The following MCUB variants were observed in gnomAD, a reference collection of about 807,000 sequenced individuals.
The protein encoded by MCUB is calcium uniporter regulatory subunit MCUb, mitochondrial.
Under a neutral mutation model 41.4 loss-of-function variants are expected in MCUB, and 46 were observed. That is an observed-to-expected ratio of 1.11 (90% CI 0.88 to 1.42). The LOEUF (loss-of-function observed/expected upper bound fraction) is 1.42, where lower values mean the gene tolerates loss of function less well. MCUB is among the 40% of genes most tolerant of loss of function. MCUB has a pLI of 0.00. For synonymous variants in MCUB, 148 were observed against 148.2 expected (o/e 1.00, Z 0.01); for missense variants, 403 against 404.9 (o/e 1.00, Z 0.04).
intron 1 of MCUB, among the ~76,000 whole-genome samples, chr4:109,591,094 C>G (rs767553976): frequency 6.6e-6 from 1 of 152,180 alleles, no homozygotes; most frequent in Non-Finnish European, 1.5e-5. Flanking sequence ...TTCCCTGAAG[C>G]CTTCTGACAT....
intron 1 of MCUB, chr4:109,648,543 T>C: frequency 2.5e-6 from 1 of 407,708 alleles, no homozygotes; most frequent in South Asian, 1.8e-5. Context: ...AAAAAATTTA[T>C]TTTCACAGTG....
chr4:109,638,082 C>T (rs539199420), intron 1 of MCUB, among the ~76,000 whole-genome samples: 4 of 152,178 alleles, frequency 2.6e-5, no homozygotes, highest in African/African-American at 9.6e-5. Context: ...AGTCCAGGGC[C>T]TGGTGGCTCA....
chr4:109,629,715 A>G lies in MCUB; in HGVS notation c.100-29296A>G, dbSNP rs79440209. On this transcript the variant is annotated intron_variant, in intron 1 of 7. Coordinates refer to ENST00000394650, the MANE Select transcript of MCUB (RefSeq NM_017918.5). ...TACAGATGGAGAGATGCATAGGGCA[A>G]AACATGTGGGAAGGGTGTGGCACTT... 3.8e-3 allele frequency among the ~76,000 whole-genome samples: 586 copies of G among 152,332 alleles called. 7 individuals are homozygous for G. The highest frequency in any genetic ancestry group is 0.014 in the African/African-American group (571 of 41,572).
chr4:109,677,054 C>CA (rs1400097656), intron 4 of MCUB, among the ~76,000 whole-genome samples: 2 of 152,232 alleles, frequency 1.3e-5, no homozygotes, highest in Admixed American at 6.5e-5. Flanking sequence ...GCCATGGGGG[C>CA]AGGACTGCCC....
At chr4:109,686,882 TAA>T (rs1259452855) in intron 7 of MCUB, among the ~76,000 whole-genome samples, 1 of 150,900 alleles carries the variant, frequency 6.6e-6, no homozygotes, top group Non-Finnish European at 1.5e-5. Flanking sequence ...ATCTCTAAAA[TAA>T]AAAAATTTAA....
chr4:109,611,771 C>G (rs1034034681), intron 1 of MCUB, among the ~76,000 whole-genome samples: 1 of 152,134 alleles, frequency 6.6e-6, no homozygotes, highest in Non-Finnish European at 1.5e-5. Context: ...AAGTCCATTT[C>G]TTTTTATTGG....
intron 1 of MCUB, among the ~76,000 whole-genome samples, chr4:109,565,491 C>T (rs1254375056): frequency 1.3e-5 from 2 of 152,128 alleles, no homozygotes; most frequent in South Asian, 2.1e-4. Flanking sequence ...TCAGTGAAAA[C>T]ATTTGGGTGA....
intron 1 of MCUB, among the ~76,000 whole-genome samples, chr4:109,649,801 TG>T (rs1728919748): frequency 6.6e-6 from 1 of 152,110 alleles, no homozygotes; most frequent in East Asian, 1.9e-4. Flanking sequence ...CTTGAACCCC[TG>T]GGCTCAAATA....
rs780319661 is a variant in MCUB at position 109,639,758 on chromosome 4, G to A, written c.100-19253G>A. 4.7e-4 allele frequency among the ~76,000 whole-genome samples: 72 copies of A among 152,280 alleles called. 1 individual carries two copies. The highest frequency in any genetic ancestry group is 4.1e-3 in the Admixed American group (62 of 15,294). On this transcript the variant is annotated intron_variant, in intron 1 of 7. Transcript: ENST00000394650. ...GCTGTCATCTAGGCTTTGTGGTTGC[G>A]TGTATAGAACACAGGTAGAGTAGCT...
chr4:109,683,605 T>C (rs993616104), intron 5 of MCUB, among the ~76,000 whole-genome samples: 2 of 152,234 alleles, frequency 1.3e-5, no homozygotes, highest in African/African-American at 4.8e-5. Context: ...TTTTATTCTC[T>C]TTCTCAGAAA....
intron 1 of MCUB, among the ~76,000 whole-genome samples, chr4:109,646,681 A>G (rs1728845441): frequency 6.6e-6 from 1 of 151,552 alleles, no homozygotes; most frequent in Non-Finnish European, 1.5e-5. Context: ...GTCTCATCTC[A>G]CTCCCCGCTC....
intron 1 of MCUB, among the ~76,000 whole-genome samples, chr4:109,621,594 T>C (rs1728251334): frequency 6.6e-6 from 1 of 152,190 alleles, no homozygotes. Context: ...TATCATACCC[T>C]GAGAGAAAGG....
At position 109,664,360 on chromosome 4, in the gene MCUB, T is replaced by C; in HGVS notation, c.417T>C (p.Asn139=). ...LLMNDFKLVI[N]KIAYDVQCPK... ...TGAATGATTTTAAACTTGTCATTAA[T>C]AAAATAGCATATGATGTGCAGTGTC... is the stretch of plus-strand genomic sequence containing the variant. The change falls in exon 4 of 8, where the codon AAT becomes AAC. Residue 139 remains asparagine, a synonymous_variant. Coordinates refer to ENST00000394650, the MANE Select transcript of MCUB (RefSeq NM_017918.5). 2 of 1,524,634 alleles carry C rather than the reference T, an allele frequency of 1.3e-6. No homozygotes were observed. Among genetic ancestry groups the C allele is most frequent in the Non-Finnish European group, 1.8e-6 (2 of 1,099,480 alleles). 94.4% of individuals were successfully genotyped at this position (1,524,634 alleles called of 1,614,324 possible).
intron 1 of MCUB, among the ~76,000 whole-genome samples, chr4:109,636,767 G>A (rs1311963209): frequency 1.3e-5 from 2 of 152,252 alleles, no homozygotes; most frequent in East Asian, 1.9e-4. Flanking sequence ...CCTGGGAGGC[G>A]GAGGTTGCAG....
chr4:109,635,568 T>C (rs1318904465), intron 1 of MCUB, among the ~76,000 whole-genome samples: 1 of 152,218 alleles, frequency 6.6e-6, no homozygotes, highest in Non-Finnish European at 1.5e-5. Flanking sequence ...CAATCCCCTG[T>C]GCCCTATGCA....
Position 109,687,251 on chromosome 4 carries a change from T to C in MCUB, c.934-264T>C, listed in dbSNP as rs547744375. On this transcript the variant is annotated intron_variant, in intron 7 of 7. Coordinates refer to ENST00000394650, the MANE Select transcript of MCUB (RefSeq NM_017918.5). Reference sequence around the variant, plus strand: ...GTGGGCACCTGTGGTCCTAGCTACTTGGGAGGCTGAGGCAGGAGAATGACT... The same window carrying C: ...GTGGGCACCTGTGGTCCTAGCTACTCGGGAGGCTGAGGCAGGAGAATGACT... Among the ~76,000 whole-genome samples, 68 of 151,980 alleles carry C rather than the reference T, an allele frequency of 4.5e-4. 1 individual carries two copies. In the South Asian group the frequency reaches 0.013, roughly 29 times the overall value.
In MCUB at chr4:109,560,437, G is replaced by C. The variant is rs545333092; in HGVS notation, c.99+1G>C. The C allele has an allele frequency of 2.4e-6, 3 of 1,268,766 alleles. No individual in the cohort carries two copies. Among genetic ancestry groups the C allele is most frequent in the East Asian group, 6.3e-5 (2 of 31,770 alleles). 78.6% of individuals were successfully genotyped at this position (1,268,766 alleles called of 1,614,324 possible). On this transcript the variant is annotated splice_donor_variant, in intron 1 of 7. Transcript: ENST00000394650. LOFTEE classifies it high-confidence loss of function. ...GTGGCCGCTGCCGCCTCCGCCCCAG[G>C]TAAGAGCGGGTGCCGGGCTGTGGGG...
chr4:109,581,894 G>A (rs1384572007), intron 1 of MCUB, among the ~76,000 whole-genome samples: 1 of 152,332 alleles, frequency 6.6e-6, no homozygotes, highest in South Asian at 2.1e-4. Context: ...TGCTGGAAAG[G>A]ATGTGGAGAA....
chr4:109,619,207 C>T (rs1163874128), intron 1 of MCUB, among the ~76,000 whole-genome samples: 1 of 152,126 alleles, frequency 6.6e-6, no homozygotes, highest in Non-Finnish European at 1.5e-5. Context: ...TCCCGAGTGG[C>T]TGGGATTATA....
Sources: allele counts gnomAD v4.1 joint callset (sites outside exome capture counted in the v4.1 genomes callset), GRCh38; gene constraint gnomAD v4.1.1; transcripts MANE v1.5; gene names NCBI Gene and HGNC (gene_info 2026-07-23, HGNC 2026-07-21).